Variants in BBS7 observed in about 807,000 individuals in gnomAD.
The protein encoded by BBS7 is BBSome complex member BBS7.
BBS7 carries 50 observed loss-of-function variants against 90.3 expected under a neutral mutation model. The ratio of observed to expected loss-of-function variants is 0.55; its 90% CI spans 0.44 to 0.70. BBS7 has a LOEUF of 0.70. Ranked by LOEUF, BBS7 falls within the 30% of genes least tolerant of loss-of-function variation. The pLI, the probability that BBS7 is intolerant of heterozygous loss-of-function variation, is 0.00. For synonymous variants in BBS7, 235 were observed against 287.4 expected (o/e 0.82, Z 1.85); for missense variants, 729 against 838.9 (o/e 0.87, Z 1.62).
At chr4:121,832,379 C>A (rs1260646857) in intron 15 of BBS7, among the ~76,000 whole-genome samples, 1 of 151,910 alleles carries the variant, frequency 6.6e-6, no homozygotes, top group Non-Finnish European at 1.5e-5. Context: ...CAAAAAACAA[C>A]CTACAGATGT....
chr4:121,848,947 A>C lies in BBS7; in HGVS notation c.850-19T>G, dbSNP rs1726162642. 1.9e-6 allele frequency: 3 copies of C among 1,597,932 alleles called. No homozygotes were observed. In the East Asian group the frequency reaches 6.7e-5, roughly 36 times the overall value. On this transcript the variant is annotated intron_variant, in intron 8 of 18. Transcript: ENST00000264499. The stretch of plus-strand genomic sequence containing the variant: ...ACAACATCTAAAAAAGTTTAAGACC[A>C]AGCACTTCATTAGTAACTAAAAAAT...
chr4:121,858,097 T>A (rs2149083941), intron 5 of BBS7, among the ~76,000 whole-genome samples: 1 of 152,296 alleles, frequency 6.6e-6, no homozygotes, highest in South Asian at 2.1e-4. Flanking sequence ...TGAGCCACCA[T>A]GCCTGGCCTA....
intron 4 of BBS7, 22 bp from the exon 5 acceptor site, chr4:121,859,200 T>G (rs969844714): frequency 6.2e-7 from 1 of 1,606,812 alleles, no homozygotes; most frequent in African/African-American, 1.3e-5. Context: ...AAAATAGTAA[T>G]TTTTAAAAAT....
chr4:121,854,859 C>A (rs759126067), intron 6 of BBS7, 39 bp from the exon 7 acceptor site: 2 of 1,545,658 alleles, frequency 1.3e-6, no homozygotes, highest in African/African-American at 1.4e-5. Context: ...ATTTATCCTA[C>A]AATTAGTAAT....
At chr4:121,827,952 A>G in intron 18 of BBS7, 194 bp downstream of exon 18, 1 of 1,383,354 alleles carries the variant, frequency 7.2e-7, no homozygotes. Context: ...TAAAAGAATT[A>G]AATATTAAAA....
At chr4:121,855,916 A>G (rs560745608) in intron 5 of BBS7, among the ~76,000 whole-genome samples, 1,075 of 84,858 alleles carry the variant, frequency 0.013, 10 homozygotes, top group African/African-American at 0.035. Flanking sequence ...ATATGTATAT[A>G]TGTGTACATG....
At chr4:121,859,540 T>C (rs995353407) in intron 4 of BBS7, among the ~76,000 whole-genome samples, 1 of 152,164 alleles carries the variant, frequency 6.6e-6, no homozygotes, top group Non-Finnish European at 1.5e-5. Flanking sequence ...GATTTTTATG[T>C]ATTAGATCAA....
At position 121,855,519 on chromosome 4, in the gene BBS7, TAGGG is replaced by T; in HGVS notation, c.567_570del (p.Pro190LeufsTer3). 6.2e-7 allele frequency: 1 copy of T among 1,613,600 alleles called. No homozygotes were observed. Among genetic ancestry groups the T allele is most frequent in the Non-Finnish European group, 8.5e-7 (1 of 1,179,742 alleles). On this transcript the variant is annotated frameshift_variant, in exon 6 of 19. Transcript: ENST00000264499. LOFTEE classifies it high-confidence loss of function. ...TTTCCATTGTGTAGTGCTAAGACAG[TAGGG>T]GGTCCAGGAACTTCAACTGCATACA...
chr4:121,838,946 C>T (rs1257027342), intron 13 of BBS7, among the ~76,000 whole-genome samples: 1 of 148,618 alleles, frequency 6.7e-6, no homozygotes, highest in Non-Finnish European at 1.5e-5. Flanking sequence ...AGCTGTAAAA[C>T]AAAAATCAGT....
rs1026737417 is a variant in BBS7, at chr4:121,859,175, G to C, written c.345C>G (p.His115Gln). ...TGAGAAAGAGGTCTGAGCCAGATAT[G>C]TGCCTGAGAACATTAAAATAGTAAT... The part of the protein sequence containing the change: ...TNLTESIKAM[H>Q]ISGSDLFLSA... The change falls in exon 5 of 19, where the codon CAC (histidine) becomes CAG (glutamine). Residue 115 changes from histidine (H) to glutamine (Q), a missense_variant. Transcript: ENST00000264499. 2 of 1,613,314 alleles carry C rather than the reference G, an allele frequency of 1.2e-6. No individual in the cohort carries two copies. The highest frequency in any genetic ancestry group is 2.7e-5 in the African/African-American group (2 of 74,886).
chr4:121,864,776 T>A (rs111972191), intron 2 of BBS7, among the ~76,000 whole-genome samples: 16 of 152,188 alleles, frequency 1.1e-4, no homozygotes, highest in African/African-American at 3.9e-4. Flanking sequence ...ATTTATTTTT[T>A]AATTGACAAC....
At chr4:121,855,653 C>T in intron 5 of BBS7, 92 bp from the exon 6 acceptor site, 1 of 1,113,992 alleles carries the variant, frequency 9.0e-7, no homozygotes, top group African/African-American at 1.5e-5. Context: ...ATACAGTACT[C>T]TTAGTAACAC....
At chr4:121,850,263 C>T (rs1317528724) in intron 8 of BBS7, among the ~76,000 whole-genome samples, 1 of 151,898 alleles carries the variant, frequency 6.6e-6, no homozygotes, top group African/African-American at 2.4e-5. Context: ...CTCACAGGTT[C>T]AAGTGACCCT....
In BBS7 at chr4:121,855,522, G is replaced by A; in HGVS notation, c.568C>T (p.Pro190Ser). 7 of 1,613,638 alleles carry A rather than the reference G, an allele frequency of 4.3e-6. No individual in the cohort carries two copies. Among genetic ancestry groups the A allele is most frequent in the Non-Finnish European group, 5.9e-6 (7 of 1,179,762 alleles). Reference protein sequence around the residue: ...VMYAVEVPGPPTVLALHNGNG... With the variant: ...VMYAVEVPGPSTVLALHNGNG... ...CCATTGTGTAGTGCTAAGACAGTAG[G>A]GGGTCCAGGAACTTCAACTGCATAC... The change falls in exon 6 of 19, where the codon CCT (proline) becomes TCT (serine). Residue 190 changes from proline to serine, a missense_variant. Transcript: ENST00000264499.
chr4:121,869,816 G>A (rs1391558415), intron 1 of BBS7, among the ~76,000 whole-genome samples: 1 of 152,214 alleles, frequency 6.6e-6, no homozygotes, highest in East Asian at 1.9e-4. Context: ...TGGGATAACA[G>A]GCGTGAGCCA....
Position 121,824,689 on chromosome 4 carries a change from A to G in BBS7, c.*1171T>C, listed in dbSNP as rs987542484. 5 of 152,104 alleles carry G rather than the reference A, an allele frequency of 3.3e-5. No homozygotes were observed. The highest frequency in any genetic ancestry group is 9.6e-5 in the African/African-American group (4 of 41,456). The allele number at this position is 152,104 out of a possible 1,614,324, so 9.4% of individuals were successfully genotyped here. A position where few individuals can be genotyped will look rare whatever the true frequency, so the allele number is the denominator to read the frequency against. ...ACCTAGATATAATTATGTTCCTTTC[A>G]GAAGTAAAGTTTTTTAAACATAGTA... On this transcript the variant is annotated 3_prime_UTR_variant, in exon 19 of 19. Coordinates refer to ENST00000264499, the MANE Select transcript of BBS7 (RefSeq NM_176824.3). The surrounding 1 kb of genome is among the most constrained non-coding windows in gnomAD (Gnocchi z 4.1).
chr4:121,855,658 T>C lies in BBS7; in HGVS notation c.529-97A>G, dbSNP rs72917996. ...CAATATTCAAATACAGTACTCTTAGTAACACCTAGAATAAAATTGCTTTAA... is the reference window on the plus strand; with the variant it reads ...CAATATTCAAATACAGTACTCTTAGCAACACCTAGAATAAAATTGCTTTAA... On this transcript the variant is annotated intron_variant, in intron 5 of 18. Transcript: ENST00000264499. The C allele has an allele frequency of 0.013, 14,084 of 1,087,796 alleles. 801 individuals are homozygous for C. In the African/African-American group the frequency reaches 0.14, roughly 11 times the overall value. 67.4% of individuals were successfully genotyped at this position (1,087,796 alleles called of 1,614,324 possible).
At chr4:121,858,838 T>A in intron 5 of BBS7, 154 bp downstream of exon 5, 1 of 741,444 alleles carries the variant, frequency 1.3e-6, no homozygotes, top group Non-Finnish European at 2.1e-6. Context: ...TGACTCAAGT[T>A]AAAAAAATTA....
chr4:121,828,309 ATT>A, intron 17 of BBS7, 40 bp from the exon 18 acceptor site: 8 of 1,597,066 alleles, frequency 5.0e-6, no homozygotes, highest in Non-Finnish European at 6.9e-6. Context: ...AATATTCAAA[ATT>A]CAATCCAATG....
Sources: allele counts gnomAD v4.1 joint callset (sites outside exome capture counted in the v4.1 genomes callset), GRCh38; gene constraint gnomAD v4.1.1; non-coding constraint Gnocchi (gnomAD v3.1); transcripts MANE v1.5; gene names NCBI Gene and HGNC (gene_info 2026-07-23, HGNC 2026-07-21).